UBE3D: variants seen among roughly 807,000 people sequenced by gnomAD.
UBE3D encodes E3 ubiquitin-protein ligase E3D.
A neutral mutation model predicts 49.6 loss-of-function variants in UBE3D; 48 were observed. The observed-to-expected ratio is 0.97, with a 90% CI of 0.77 to 1.23. The LOEUF is 1.23. Among genes scored for constraint, UBE3D ranks in the 50% most tolerant of loss-of-function variants. The pLI is 0.00. For synonymous variants in UBE3D, 189 were observed against 174.2 expected (o/e 1.08, Z -0.67); for missense variants, 452 against 468.4 (o/e 0.96, Z 0.32).
In UBE3D at chr6:82,923,860, T is replaced by C. The variant is rs147661802; in HGVS notation, c.1150-30818A>G. On this transcript the variant is annotated intron_variant, in intron 9 of 9. Coordinates refer to ENST00000369747, the MANE Select transcript of UBE3D (RefSeq NM_198920.3). ...TTAACTCAAGAATGTTAATTTAACA[T>C]TTGAAAATTATTACAGGTAATTCAC... is the stretch of plus-strand genomic sequence containing the variant. Among the ~76,000 whole-genome samples, 3 of 152,296 alleles carry C rather than the reference T, an allele frequency of 2.0e-5. No individual in the cohort carries two copies. The East Asian group carries it at 5.8e-4, about 29-fold the overall frequency.
chr6:82,985,389 ATC>A (rs1018894633), intron 8 of UBE3D, among the ~76,000 whole-genome samples: 4 of 149,440 alleles, frequency 2.7e-5, no homozygotes, highest in African/African-American at 9.9e-5. Context: ...TTGAGATGGA[ATC>A]TCTTTCTGTT....
At chr6:83,022,403 G>A in intron 7 of UBE3D, 50 bp downstream of exon 7, 1 of 1,213,324 alleles carries the variant, frequency 8.2e-7, no homozygotes, top group East Asian at 2.7e-5. Context: ...GAAGAATTCT[G>A]AGACCTTGGA....
Position 82,992,335 on chromosome 6 carries a change from G to A in UBE3D, c.1010+26638C>T, listed in dbSNP as rs547797282. ...CCTCCTGGGTTCAAGCAATTCTCCC[G>A]CCTCAGCTTCCTGAGTAGCTAGGAT... On this transcript the variant is annotated intron_variant, in intron 8 of 9. Transcript: ENST00000369747. Among the ~76,000 whole-genome samples, 95 of 144,060 alleles carry A rather than the reference G, an allele frequency of 6.6e-4. No individual in the cohort carries two copies. In the South Asian group the frequency reaches 0.014, roughly 21 times the overall value. 94.5% of individuals were successfully genotyped at this position (144,060 alleles called of 152,430 possible).
At chr6:83,040,367 G>A (rs1382806746) in intron 4 of UBE3D, among the ~76,000 whole-genome samples, 3 of 142,052 alleles carry the variant, frequency 2.1e-5, no homozygotes, top group African/African-American at 8.0e-5. Context: ...CTGGGCAACA[G>A]AGCGAGACTG....
At chr6:82,881,042 C>T in the UBE3D span, among the ~76,000 whole-genome samples, 1 of 152,282 alleles carries the variant, frequency 6.6e-6, no homozygotes, top group African/African-American at 2.4e-5. Context: ...AAAGGTCCCA[C>T]CTCCTAATAC....
Position 82,910,402 on chromosome 6 carries a change from G to GATGC in UBE3D, c.1150-17361_1150-17360insGCAT, listed in dbSNP as rs563220250. Among the ~76,000 whole-genome samples, 57 of 152,290 alleles carry GATGC rather than the reference G, an allele frequency of 3.7e-4. No homozygotes were observed. The East Asian group carries it at 9.1e-3, about 24-fold the overall frequency. ...TTATTACTTTTCTGCATCAACATCA[G>GATGC]AGAAAATAACCTTTTATAGGATGGA... On this transcript the variant is annotated intron_variant, in intron 9 of 9. Coordinates refer to ENST00000369747, the MANE Select transcript of UBE3D (RefSeq NM_198920.3).
chr6:82,965,563 A>C (rs1450754344), intron 8 of UBE3D, among the ~76,000 whole-genome samples: 1 of 147,740 alleles, frequency 6.8e-6, no homozygotes, highest in Non-Finnish European at 1.5e-5. Flanking sequence ...AGCCTGGACA[A>C]CAAGAGCGAA....
chr6:82,984,210 C>T (rs981775189), intron 8 of UBE3D, among the ~76,000 whole-genome samples: 2 of 151,976 alleles, frequency 1.3e-5, no homozygotes, highest in African/African-American at 4.8e-5. Flanking sequence ...TCTTCTTCAC[C>T]AGAGTAGTAT....
chr6:82,886,327 C>T, the UBE3D span, among the ~76,000 whole-genome samples: 5 of 152,112 alleles, frequency 3.3e-5, no homozygotes, highest in African/African-American at 7.2e-5. Flanking sequence ...ATAAGGAGCA[C>T]GCAACCTAGA....
At chr6:83,044,813 A>G (rs1160400607) in intron 3 of UBE3D, among the ~76,000 whole-genome samples, 154 bp from the exon 4 acceptor site, 2 of 152,218 alleles carry the variant, frequency 1.3e-5, no homozygotes, top group Non-Finnish European at 2.9e-5. Context: ...TACTCACTAC[A>G]GCTAATTTTG....
At chr6:83,052,486 C>T (rs1783533579) in intron 3 of UBE3D, among the ~76,000 whole-genome samples, 1 of 152,126 alleles carries the variant, frequency 6.6e-6, no homozygotes, top group Admixed American at 6.5e-5. Context: ...TTCTGAAGTT[C>T]AGGTAGGAGC....
intron 8 of UBE3D, among the ~76,000 whole-genome samples, chr6:82,991,620 C>T (rs1360837937): frequency 6.6e-6 from 1 of 151,984 alleles, no homozygotes; most frequent in African/African-American, 2.4e-5. Flanking sequence ...AAATCCTCCT[C>T]CTCCAAATTC....
intron 7 of UBE3D, 112 bp from the exon 8 acceptor site, chr6:83,019,248 G>C: frequency 1.0e-6 from 1 of 994,594 alleles, no homozygotes; most frequent in East Asian, 2.9e-5. Flanking sequence ...AAATAAATAT[G>C]AGAATCATGT....
chr6:83,041,478 G>A (rs939995834), intron 4 of UBE3D, among the ~76,000 whole-genome samples: 1 of 152,084 alleles, frequency 6.6e-6, no homozygotes, highest in Non-Finnish European at 1.5e-5. Context: ...AGGAATAATT[G>A]TTAATTTTAT....
chr6:83,027,839 A>G (rs2127784271), intron 5 of UBE3D, among the ~76,000 whole-genome samples: 1 of 152,266 alleles, frequency 6.6e-6, no homozygotes, highest in East Asian at 1.9e-4. Flanking sequence ...ATTCTCAACA[A>G]TTATCTCTTC....
intron 5 of UBE3D, chr6:83,032,241 C>A: frequency 2.2e-6 from 1 of 456,020 alleles, no homozygotes; most frequent in South Asian, 1.6e-5. Context: ...TGGGGCCGTA[C>A]CCGGCAAAAC....
intron 8 of UBE3D, among the ~76,000 whole-genome samples, chr6:83,013,714 T>C (rs1475386224): frequency 6.6e-6 from 1 of 152,224 alleles, no homozygotes; most frequent in Non-Finnish European, 1.5e-5. Context: ...CCCACACCAC[T>C]GGACCCCTGG....
At chr6:82,995,711 A>T (rs1050882733) in intron 8 of UBE3D, among the ~76,000 whole-genome samples, 1 of 152,180 alleles carries the variant, frequency 6.6e-6, no homozygotes, top group Non-Finnish European at 1.5e-5. Flanking sequence ...GTATGAGGAG[A>T]AAAACAAACG....
chr6:82,966,147 T>A (rs1201664047), intron 8 of UBE3D, among the ~76,000 whole-genome samples: 1 of 152,176 alleles, frequency 6.6e-6, no homozygotes, highest in Admixed American at 6.5e-5. Flanking sequence ...TTTAAGGCAT[T>A]CCTCATCTGT....
Sources: allele counts gnomAD v4.1 joint callset (sites outside exome capture counted in the v4.1 genomes callset), GRCh38; gene constraint gnomAD v4.1.1; transcripts MANE v1.5; gene names NCBI Gene and HGNC (gene_info 2026-07-23, HGNC 2026-07-21).